Variants in SCAPER observed in about 807,000 individuals in gnomAD.
SCAPER encodes the protein S phase cyclin A-associated protein in the endoplasmic reticulum.
Under a neutral mutation model 182.2 loss-of-function variants are expected in SCAPER, and 98 were observed. The observed-to-expected ratio is 0.54, with a 90% CI of 0.46 to 0.64. SCAPER has a LOEUF of 0.64. SCAPER is among the 30% of genes least tolerant of loss of function. The pLI is 0.00. For missense variants in SCAPER, 1,432 were observed against 1,690.0 expected (o/e 0.85, Z 2.68); for synonymous variants, 605 against 564.6 (o/e 1.07, Z -1.01).
chr15:76,864,379 T>C lies in SCAPER; in HGVS notation c.7-1846A>G, dbSNP rs150258203. Among the ~76,000 whole-genome samples the C allele has an allele frequency of 8.3e-4, 126 of 152,358 alleles. 1 individual carries two copies. The highest frequency in any genetic ancestry group is 2.8e-3 in the African/African-American group (118 of 41,586). Reference sequence around the variant, plus strand: ...CCCATACTCCTATGAGAAACACATTTACTAACTACATTACAGCATTTACGT... The same window carrying C: ...CCCATACTCCTATGAGAAACACATTCACTAACTACATTACAGCATTTACGT... On this transcript the variant is annotated intron_variant, in intron 2 of 31. Coordinates refer to ENST00000563290, the MANE Select transcript of SCAPER (RefSeq NM_020843.4).
chr15:76,358,737 G>A (rs1344674956), intron 29 of SCAPER, among the ~76,000 whole-genome samples: 1 of 152,210 alleles, frequency 6.6e-6, no homozygotes, highest in Non-Finnish European at 1.5e-5. Context: ...TATGAATTCT[G>A]GGAAAAGAGT....
At chr15:76,522,945 T>C (rs560079614) in intron 23 of SCAPER, among the ~76,000 whole-genome samples, 2 of 152,086 alleles carry the variant, frequency 1.3e-5, no homozygotes, top group African/African-American at 4.8e-5. Flanking sequence ...TAGTATATAA[T>C]GTTATTTCTC....
intron 23 of SCAPER, among the ~76,000 whole-genome samples, chr15:76,523,005 C>T (rs1233503870): frequency 6.6e-6 from 1 of 151,892 alleles, no homozygotes; most frequent in Non-Finnish European, 1.5e-5. Context: ...ATTGTTACTA[C>T]ATAAATACAT....
intron 5 of SCAPER, among the ~76,000 whole-genome samples, chr15:76,814,892 A>G (rs1254990840): frequency 5.3e-5 from 8 of 150,850 alleles, no homozygotes; most frequent in South Asian, 4.2e-4. Context: ...TCCAAACTAT[A>G]TAAGGAACTC....
At chr15:76,803,694 C>T (rs892745215) in intron 6 of SCAPER, among the ~76,000 whole-genome samples, 6 of 152,178 alleles carry the variant, frequency 3.9e-5, no homozygotes, top group African/African-American at 1.4e-4. Flanking sequence ...GGAGGGGTAA[C>T]AGCTCCCACT....
chr15:76,579,209 T>A (rs1233235780), intron 22 of SCAPER, among the ~76,000 whole-genome samples: 1 of 126,944 alleles, frequency 7.9e-6, no homozygotes, highest in African/African-American at 3.1e-5. Flanking sequence ...GAGCTTGCAG[T>A]GAGCTGAGAT....
chr15:76,804,649 C>CAA lies in SCAPER; in HGVS notation c.394-18_394-17dup. On this transcript the variant is annotated splice_polypyrimidine_tract_variant and intron_variant, in intron 5 of 31. Coordinates refer to ENST00000563290, the MANE Select transcript of SCAPER (RefSeq NM_020843.4). ...TTAGCACCTCCTAAAAGAAACAAAA[C>CAA]AAAAAAAAATTAAATTCCAGTCTGA... is the stretch of plus-strand genomic sequence containing the variant. 2 of 1,470,610 alleles carry CAA rather than the reference C, an allele frequency of 1.4e-6. No individual in the cohort carries two copies. The highest frequency in any genetic ancestry group is 1.8e-6 in the Non-Finnish European group (2 of 1,094,134). The allele number at this position is 1,470,610 out of a possible 1,614,324, so 91.1% of individuals were successfully genotyped here. A position where few individuals can be genotyped will look rare whatever the true frequency, so the allele number is the denominator to read the frequency against.
chr15:76,459,988 G>A (rs1426097806), intron 25 of SCAPER, among the ~76,000 whole-genome samples: 1 of 152,166 alleles, frequency 6.6e-6, no homozygotes, highest in Non-Finnish European at 1.5e-5. Context: ...GCAAATAAGT[G>A]GATTTATTTC....
At chr15:76,601,612 C>T (rs1373227781) in intron 22 of SCAPER, among the ~76,000 whole-genome samples, 3 of 121,362 alleles carry the variant, frequency 2.5e-5, no homozygotes, top group African/African-American at 7.5e-5. Flanking sequence ...AAGGACACAT[C>T]TCTCAGAACA....
intron 29 of SCAPER, among the ~76,000 whole-genome samples, chr15:76,357,626 C>T (rs963967206): frequency 2.0e-5 from 3 of 152,154 alleles, no homozygotes; most frequent in African/African-American, 7.2e-5. Context: ...AAAAAGGATA[C>T]TCACACGTGT....
chr15:76,404,477 G>A (rs777681937), intron 27 of SCAPER, 47 bp downstream of exon 27: 1 of 1,545,640 alleles, frequency 6.5e-7, no homozygotes, highest in African/African-American at 1.4e-5. Context: ...AAATTCAAGA[G>A]ATGTTCCAAA....
chr15:76,899,252 T>C (rs909189477), intron 1 of SCAPER, among the ~76,000 whole-genome samples: 5 of 152,194 alleles, frequency 3.3e-5, no homozygotes, highest in African/African-American at 1.2e-4. Context: ...GCAACCTCCC[T>C]GCCTCAGGCT....
intron 21 of SCAPER, among the ~76,000 whole-genome samples, chr15:76,661,309 A>G (rs2056138041): frequency 6.6e-6 from 1 of 152,230 alleles, no homozygotes; most frequent in East Asian, 1.9e-4. Flanking sequence ...CAACTGCAAC[A>G]AAAGCTAAAA....
chr15:76,769,257 ATG>A (rs1214064327), intron 10 of SCAPER, among the ~76,000 whole-genome samples: 1 of 151,862 alleles, frequency 6.6e-6, no homozygotes, highest in Non-Finnish European at 1.5e-5. Flanking sequence ...CCTGGCTAAC[ATG>A]GTGAAACCCC....
At chr15:76,841,682 A>T in intron 5 of SCAPER, 52 bp downstream of exon 5, 3 of 1,572,552 alleles carry the variant, frequency 1.9e-6, no homozygotes, top group Admixed American at 1.8e-5. Context: ...ATGTAGCAAA[A>T]ATTCAAGAAT....
intron 20 of SCAPER, among the ~76,000 whole-genome samples, chr15:76,670,163 T>C (rs10444858): frequency 0.38 from 57,593 of 151,748 alleles, 12,994 homozygotes; most frequent in Middle Eastern, 0.52. Context: ...AACACAAAAA[T>C]GTGTTCATTA....
intron 6 of SCAPER, among the ~76,000 whole-genome samples, chr15:76,802,404 G>A (rs1192468027): frequency 6.6e-6 from 1 of 152,070 alleles, no homozygotes. Flanking sequence ...TGATCTCTTA[G>A]CTTGGTTCAA....
At chr15:76,765,099 G>A (rs771954823) in intron 13 of SCAPER, 27 bp from the exon 14 acceptor site, 1 of 1,446,160 alleles carries the variant, frequency 6.9e-7, no homozygotes, top group Non-Finnish European at 9.4e-7. Context: ...ATGGACAAGA[G>A]ACATGAAATG....
At chr15:76,628,812 G>A (rs748749102) in intron 21 of SCAPER, among the ~76,000 whole-genome samples, 7 of 152,208 alleles carry the variant, frequency 4.6e-5, no homozygotes, top group Non-Finnish European at 1.0e-4. Flanking sequence ...TGTGAAGAAT[G>A]TCAATGATAG....
Sources: allele counts gnomAD v4.1 joint callset (sites outside exome capture counted in the v4.1 genomes callset), GRCh38; gene constraint gnomAD v4.1.1; transcripts MANE v1.5; gene names NCBI Gene and HGNC (gene_info 2026-07-23, HGNC 2026-07-21).